Variants in CREBBP observed in about 807,000 individuals in gnomAD.
CREBBP encodes CREB-binding protein.
In CREBBP, 19 loss-of-function variants were observed where a neutral mutation model predicts 265.0. The observed-to-expected ratio is 0.07, with a 90% CI of 0.05 to 0.11. The LOEUF is 0.11. CREBBP is among the 10% of genes least tolerant of loss of function. The pLI, the probability that CREBBP is intolerant of heterozygous loss-of-function variation, is 1.00. For missense variants in CREBBP, 2,525 were observed against 3,219.0 expected, an observed-to-expected ratio of 0.78 and a Z score of 5.22; for synonymous variants, 1,457 against 1,223.7, an observed-to-expected ratio of 1.19 and a Z score of -3.98.
chr16:3,791,607 G>A (rs1173169009), intron 5 of CREBBP, among the ~76,000 whole-genome samples: 12 of 152,130 alleles, frequency 7.9e-5, no homozygotes, highest in East Asian at 3.9e-4. Context: ...TCCCTAAGAC[G>A]TCACTGCCAT....
intron 2 of CREBBP, among the ~76,000 whole-genome samples, chr16:3,812,523 GA>G (rs2053958686): frequency 6.6e-6 from 1 of 151,406 alleles, no homozygotes; most frequent in South Asian, 2.1e-4. Flanking sequence ...AAAGTGCACT[GA>G]AATCAAATAT....
In CREBBP at chr16:3,773,844, C is replaced by T. The variant is rs2053072467; in HGVS notation, c.2370G>A (p.Gln790=). ...TNNMMAQAPA[Q]SQFLPQNQFP... ...ACTGGTTCTGTGGCAGAAACTGGCT[C>T]TGAGCGGGCGCCTGGGCCATCATGT... Residue 790 remains glutamine, a synonymous_variant, in exon 13 of 31, where the codon CAG becomes CAA. Transcript: ENST00000262367. 1 of 1,612,520 alleles carries T rather than the reference C, an allele frequency of 6.2e-7. No homozygotes were observed. Among genetic ancestry groups the T allele is most frequent in the African/African-American group, 1.3e-5 (1 of 74,888 alleles).
At chr16:3,867,952 A>C (rs984194702) in intron 1 of CREBBP, among the ~76,000 whole-genome samples, 16 of 152,078 alleles carry the variant, frequency 1.1e-4, no homozygotes, top group African/African-American at 3.4e-4. Context: ...AATTTAAAAA[A>C]ATAGAACAAA....
intron 2 of CREBBP, among the ~76,000 whole-genome samples, chr16:3,832,694 G>GC (rs2054366651): frequency 6.6e-6 from 1 of 152,138 alleles, no homozygotes; most frequent in African/African-American, 2.4e-5. Context: ...GTCTTAAGGG[G>GC]CCACTGTTGT....
intron 2 of CREBBP, among the ~76,000 whole-genome samples, chr16:3,830,134 T>C (rs2054313868): frequency 6.6e-6 from 1 of 152,182 alleles, no homozygotes; most frequent in Non-Finnish European, 1.5e-5. Flanking sequence ...TGGTGACTCA[T>C]GCCTGTAATC....
At chr16:3,871,359 G>A (rs907557301) in intron 1 of CREBBP, among the ~76,000 whole-genome samples, 6 of 152,194 alleles carry the variant, frequency 3.9e-5, no homozygotes, top group South Asian at 2.1e-4. Flanking sequence ...CACACTGACC[G>A]CCTCCCCGTA....
At chr16:3,794,205 G>A (rs2053561104) in intron 3 of CREBBP, among the ~76,000 whole-genome samples, 1 of 151,766 alleles carries the variant, frequency 6.6e-6, no homozygotes, top group Non-Finnish European at 1.5e-5. Flanking sequence ...GGTGGCGGGT[G>A]CCTGTAGTCC....
intron 10 of CREBBP, 96 bp from the exon 11 acceptor site, chr16:3,777,753 C>A: frequency 2.7e-6 from 4 of 1,458,180 alleles, no homozygotes; most frequent in Non-Finnish European, 3.8e-6. Flanking sequence ...GGACTTCAAA[C>A]TTAAAAGGGA....
chr16:3,877,020 C>T (rs1597095122), intron 1 of CREBBP, among the ~76,000 whole-genome samples: 1 of 152,272 alleles, frequency 6.6e-6, no homozygotes. Context: ...ACTGGTGGCC[C>T]CACAGGCCAG....
At chr16:3,743,241 C>G (rs920254738) in intron 23 of CREBBP, 29 of 152,224 alleles carry the variant, frequency 1.9e-4, no homozygotes, top group African/African-American at 6.8e-4. Flanking sequence ...CGCAGGACAG[C>G]CCCTAAAACA....
At chr16:3,855,247 C>A (rs915640065) in intron 1 of CREBBP, among the ~76,000 whole-genome samples, 2 of 152,156 alleles carry the variant, frequency 1.3e-5, no homozygotes, top group Non-Finnish European at 2.9e-5. Context: ...TGGCCTTTGT[C>A]TTTCGTAAGT....
intron 3 of CREBBP, among the ~76,000 whole-genome samples, chr16:3,795,466 T>TA (rs1234798416): frequency 6.6e-6 from 1 of 152,182 alleles, no homozygotes; most frequent in Non-Finnish European, 1.5e-5. Flanking sequence ...ATGTTTTGCT[T>TA]AGTGTTTTTT....
chr16:3,791,588 C>A (rs2053508627), intron 5 of CREBBP, among the ~76,000 whole-genome samples: 1 of 152,224 alleles, frequency 6.6e-6, no homozygotes, highest in African/African-American at 2.4e-5. Context: ...AGTATCCCCT[C>A]TATCCCCCTC....
At chr16:3,745,569 CTTCA>C in intron 21 of CREBBP, 1 of 575,280 alleles carries the variant, frequency 1.7e-6, no homozygotes, top group Non-Finnish European at 3.1e-6. Flanking sequence ...TGTACAAGCG[CTTCA>C]TTCCTCTTTT....
At chr16:3,838,005 G>A (rs563997230) in intron 2 of CREBBP, among the ~76,000 whole-genome samples, 1 of 151,938 alleles carries the variant, frequency 6.6e-6, no homozygotes, top group East Asian at 1.9e-4. Context: ...ACACACACCC[G>A]CCCACCCCTG....
At chr16:3,774,444 A>T in intron 12 of CREBBP, 125 bp downstream of exon 12, 1 of 1,308,136 alleles carries the variant, frequency 7.6e-7, no homozygotes, top group Non-Finnish European at 1.1e-6. Context: ...GAAAGAAATA[A>T]AGCATAACCC....
At chr16:3,745,173 C>A in intron 22 of CREBBP, 104 bp downstream of exon 22, 13 of 1,137,446 alleles carry the variant, frequency 1.1e-5, no homozygotes, top group Non-Finnish European at 1.7e-5. Context: ...CTCTTAATCG[C>A]TGAATTCTTG....
chr16:3,857,856 G>T (rs1399434494), intron 1 of CREBBP, among the ~76,000 whole-genome samples: 1 of 152,194 alleles, frequency 6.6e-6, no homozygotes, highest in Admixed American at 6.5e-5. Flanking sequence ...AAGCTGAAAT[G>T]AGAGAAAAGA....
At chr16:3,789,163 AC>A (rs1470650225) in intron 5 of CREBBP, among the ~76,000 whole-genome samples, 2 of 152,176 alleles carry the variant, frequency 1.3e-5, no homozygotes, top group African/African-American at 4.8e-5. Context: ...TGTGGGAAAC[AC>A]TGCCTAAAAA....
Sources: gnomAD v4.1 joint callset for allele counts (sites outside exome capture counted in the v4.1 genomes callset) on GRCh38, gnomAD v4.1.1 for gene constraint, MANE v1.5 for transcripts, NCBI Gene and HGNC (gene_info 2026-07-23, HGNC 2026-07-21) for gene names.